DOCK10: variants seen among roughly 807,000 people sequenced by gnomAD.
DOCK10 encodes dedicator of cytokinesis 10, also known as dedicator of cytokinesis protein 10.
In DOCK10, 145 loss-of-function variants were observed where a neutral mutation model predicts 280.1. The observed-to-expected ratio is 0.52, with a 90% CI of 0.45 to 0.59. The LOEUF (loss-of-function observed/expected upper bound fraction) is 0.59. Among genes scored for constraint, DOCK10 ranks in the 20% least tolerant of loss-of-function variants. The pLI, the probability that DOCK10 is intolerant of heterozygous loss-of-function variation, is 0.00. For synonymous variants in DOCK10, 915 were observed against 942.2 expected, an observed-to-expected ratio of 0.97 and a Z score of 0.53; for missense variants, 2,368 against 2,651.7, an observed-to-expected ratio of 0.89 and a Z score of 2.35.
At position 224,779,823 on chromosome 2, in the gene DOCK10, A is replaced by G. The variant is rs544711974; in HGVS notation, c.5656-1539T>C. ...TGTGGCTGTACCTTTGCAGAAGCCA[A>G]TGAACAAGGTCTACTCCATAGCAGA... is the stretch of plus-strand genomic sequence containing the variant. On this transcript the variant is annotated intron_variant, in intron 50 of 55. Coordinates refer to ENST00000258390, the MANE Select transcript of DOCK10 (RefSeq NM_014689.3). 2.0e-5 allele frequency among the ~76,000 whole-genome samples: 3 copies of G among 152,286 alleles called. No individual in the cohort carries two copies. The South Asian group carries it at 6.2e-4, about 32-fold the overall frequency.
chr2:224,771,022 T>C lies in DOCK10; in HGVS notation c.6205-377A>G, dbSNP rs552186143. Among the ~76,000 whole-genome samples, 14 of 152,214 alleles carry C rather than the reference T, an allele frequency of 9.2e-5. No individual in the cohort carries two copies. In the South Asian group the frequency reaches 1.0e-3, roughly 11 times the overall value. ...GCATGATCACTGCAGCTTCAAACTA[T>C]TGGGCTCAAGTAATCCTCTCGCCTC... On this transcript the variant is annotated intron_variant, in intron 53 of 55. Coordinates refer to ENST00000258390, the MANE Select transcript of DOCK10 (RefSeq NM_014689.3).
At chr2:224,820,290 G>GCT (rs1574878784) in intron 28 of DOCK10, among the ~76,000 whole-genome samples, 2 of 152,350 alleles carry the variant, frequency 1.3e-5, no homozygotes, top group East Asian at 3.9e-4. Flanking sequence ...AGGAGCACTT[G>GCT]CTCTCTCTCC....
At chr2:224,976,748 A>C (rs1451182886) in intron 1 of DOCK10, among the ~76,000 whole-genome samples, 1 of 151,872 alleles carries the variant, frequency 6.6e-6, no homozygotes, top group African/African-American at 2.4e-5. Context: ...GGGGTCAGTA[A>C]GCATTTTCTG....
chr2:224,816,396 G>A (rs766764545), intron 30 of DOCK10, among the ~76,000 whole-genome samples: 7 of 151,894 alleles, frequency 4.6e-5, no homozygotes, highest in Non-Finnish European at 1.0e-4. Context: ...AAGGGAAACA[G>A]ACAAAAATTG....
chr2:224,865,871 ACTCT>A lies in DOCK10; in HGVS notation c.1258-788_1258-785del, dbSNP rs1167861646. Among the ~76,000 whole-genome samples the A allele has an allele frequency of 1.6e-3, 228 of 145,730 alleles. 4 individuals are homozygous for A. In the East Asian group the frequency reaches 0.029, roughly 18 times the overall value. Reference sequence around the variant, plus strand: ...CTCTCTCTCTCACACACACACACACACTCTCTCTCTCTCTCTTACACACATACAC... The same window carrying A: ...CTCTCTCTCTCACACACACACACACACTCTCTCTCTCTTACACACATACAC... On this transcript the variant is annotated intron_variant, in intron 11 of 55. Transcript: ENST00000258390.
chr2:224,862,786 C>G (rs1313943253), intron 13 of DOCK10, 40 bp from the exon 14 acceptor site: 1 of 1,194,938 alleles, frequency 8.4e-7, no homozygotes, highest in Non-Finnish European at 1.2e-6. Flanking sequence ...TAGAATAGCA[C>G]TTTATAAACT....
At chr2:224,957,835 T>C (rs998252679) in intron 1 of DOCK10, among the ~76,000 whole-genome samples, 1 of 152,222 alleles carries the variant, frequency 6.6e-6, no homozygotes, top group Non-Finnish European at 1.5e-5. Flanking sequence ...CAGCTTCACT[T>C]GCCTGGAAAA....
chr2:224,840,219 C>T (rs1002286937), intron 23 of DOCK10, 147 bp from the exon 24 acceptor site: 2 of 520,090 alleles, frequency 3.8e-6, no homozygotes, highest in Non-Finnish European at 6.9e-6. Flanking sequence ...TTGGATATGA[C>T]CCTCAAAGCT....
chr2:224,908,115 C>T (rs1478038615), intron 3 of DOCK10, among the ~76,000 whole-genome samples: 1 of 148,134 alleles, frequency 6.8e-6, no homozygotes, highest in Non-Finnish European at 1.5e-5. Context: ...TAGCCTCTTG[C>T]CGAACGTTCT....
chr2:225,037,946 T>C (rs1479832447), intron 1 of DOCK10, among the ~76,000 whole-genome samples: 1 of 152,160 alleles, frequency 6.6e-6, no homozygotes, highest in East Asian at 1.9e-4. Context: ...TCAAACTTGA[T>C]CTTGTAAACT....
In DOCK10 at chr2:224,795,090, C is replaced by T; in HGVS notation, c.4943G>A (p.Ser1648Asn). 1.2e-6 allele frequency: 2 copies of T among 1,613,680 alleles called. No individual in the cohort carries two copies. The highest frequency in any genetic ancestry group is 2.2e-5 in the South Asian group (2 of 91,058). Residue 1648 changes from serine (S) to asparagine (N), a missense_variant, in exon 45 of 56, where the codon AGC (serine) becomes AAC (asparagine). Transcript: ENST00000258390. ...GTCCTTCACCTCTGCTGGGAAATTG[C>T]TGTTCTTTGGAAAAGAGAGAGCCTG... ...FANGDKQMKN[S>N]NFPAEVKDLT...
chr2:224,779,710 C>T (rs1691161563), intron 50 of DOCK10, among the ~76,000 whole-genome samples: 1 of 152,176 alleles, frequency 6.6e-6, no homozygotes, highest in South Asian at 2.1e-4. Flanking sequence ...ATTAAACTCA[C>T]ATCTGTATGA....
At chr2:224,858,096 G>C (rs72972610) in intron 14 of DOCK10, among the ~76,000 whole-genome samples, 1 of 152,032 alleles carries the variant, frequency 6.6e-6, no homozygotes, top group Non-Finnish European at 1.5e-5. Flanking sequence ...TATAAAGGGC[G>C]TTTGTTTCAG....
At chr2:224,844,601 A>G (rs913878210) in intron 22 of DOCK10, among the ~76,000 whole-genome samples, 152 bp downstream of exon 22, 1 of 152,186 alleles carries the variant, frequency 6.6e-6, no homozygotes. Flanking sequence ...GGAGGCATCA[A>G]ATTATGCCCT....
intron 50 of DOCK10, chr2:224,784,597 G>A: frequency 1.4e-6 from 1 of 740,132 alleles, no homozygotes; most frequent in Non-Finnish European, 2.0e-6. Context: ...CTCCAAAAAT[G>A]AATGAAAGCA....
At chr2:224,796,853 C>T (rs540866084) in intron 43 of DOCK10, 111 bp downstream of exon 43, 6 of 944,886 alleles carry the variant, frequency 6.3e-6, no homozygotes, top group East Asian at 4.8e-5. Context: ...TTAAGGAGGA[C>T]GCTAGTGGAG....
rs143918324 is a variant in DOCK10, at chr2:224,892,177, G to T, written c.416+4118C>A. Among the ~76,000 whole-genome samples, 704 of 151,818 alleles carry T rather than the reference G, an allele frequency of 4.6e-3. 6 individuals carry two copies. The highest frequency in any genetic ancestry group is 0.015 in the African/African-American group (632 of 41,426). ...TTTGGGAGGCCGAGGCTGGTGGATCGCTTGAGGTCAGGAGTTAAAGACCAG... is the reference window on the plus strand; with the variant it reads ...TTTGGGAGGCCGAGGCTGGTGGATCTCTTGAGGTCAGGAGTTAAAGACCAG... On this transcript the variant is annotated intron_variant, in intron 4 of 55. Coordinates refer to ENST00000258390, the MANE Select transcript of DOCK10 (RefSeq NM_014689.3).
chr2:224,974,791 C>CATA (rs1179702290), intron 1 of DOCK10, among the ~76,000 whole-genome samples: 4 of 82,228 alleles, frequency 4.9e-5, no homozygotes, highest in South Asian at 4.3e-4. Context: ...AATGTTCTCT[C>CATA]TATATATATC....
chr2:224,903,491 C>T (rs1328925052), intron 3 of DOCK10, among the ~76,000 whole-genome samples: 1 of 152,100 alleles, frequency 6.6e-6, no homozygotes, highest in East Asian at 1.9e-4. Context: ...TCAAAATGTG[C>T]TGTGTTAAGG....
Sources: allele counts gnomAD v4.1 joint callset (sites outside exome capture counted in the v4.1 genomes callset), GRCh38; gene constraint gnomAD v4.1.1; transcripts MANE v1.5; gene names NCBI Gene and HGNC (gene_info 2026-07-23, HGNC 2026-07-21).